DMD: variants seen among roughly 807,000 people sequenced by gnomAD.
DMD encodes the protein mutant dystrophin.
A neutral mutation model predicts 330.1 loss-of-function variants in DMD; 63 were observed. The ratio of observed to expected loss-of-function variants is 0.19; its 90% CI spans 0.16 to 0.24. DMD has a LOEUF of 0.24. Ranked by LOEUF, DMD falls within the 10% of genes least tolerant of loss-of-function variation. DMD has a pLI of 1.00. For synonymous variants in DMD, 1,223 were observed against 959.8 expected (o/e 1.27, Z -5.07); for missense variants, 3,344 against 2,684.1 (o/e 1.25, Z -5.43).
At chrX:32,529,007 C>G (rs1302949335) in intron 17 of DMD, among the ~76,000 whole-genome samples, 4 of 106,073 alleles carry the variant, frequency 3.8e-5, no homozygotes, top group Non-Finnish European at 5.8e-5. Context: ...CTGCAACCTC[C>G]GCCTCCCAGG....
At chrX:32,433,271 G>A (rs2098245889) in intron 29 of DMD, among the ~76,000 whole-genome samples, 2 of 112,173 alleles carry the variant, frequency 1.8e-5, no homozygotes, top group Admixed American at 1.9e-4. Flanking sequence ...AGGTAGTGTA[G>A]CCAAATGGTC....
intron 1 of DMD, among the ~76,000 whole-genome samples, chrX:33,199,235 G>A (rs951356298): frequency 4.5e-5 from 5 of 111,470 alleles, no homozygotes; most frequent in Non-Finnish European, 9.4e-5. Context: ...GGAAAGGAAA[G>A]GCTGCTGTAT....
chrX:32,855,340 G>A (rs1163143344), intron 2 of DMD, among the ~76,000 whole-genome samples: 1 of 111,700 alleles, frequency 9.0e-6, no homozygotes, highest in Non-Finnish European at 1.9e-5. Flanking sequence ...GAAACAAAGG[G>A]CATCCAGATT....
At chrX:32,962,494 C>G (rs2091939228) in intron 2 of DMD, among the ~76,000 whole-genome samples, 1 of 111,291 alleles carries the variant, frequency 9.0e-6, no homozygotes, top group African/African-American at 3.3e-5. Flanking sequence ...GTTTATTACT[C>G]AGGTTTGAGT....
intron 76 of DMD, among the ~76,000 whole-genome samples, chrX:31,141,106 C>T (rs1330824390): frequency 9.0e-6 from 1 of 110,881 alleles, no homozygotes; most frequent in African/African-American, 3.3e-5. Flanking sequence ...GCAGGAGAAT[C>T]GCTTGAACCC....
chrX:32,604,967 A>G (rs549871711), intron 12 of DMD, among the ~76,000 whole-genome samples: 6 of 111,256 alleles, frequency 5.4e-5, no homozygotes, highest in African/African-American at 1.6e-4. Flanking sequence ...TGTTAAAATA[A>G]CCACACTGCT....
chrX:33,007,168 C>T (rs1393690806), intron 2 of DMD, among the ~76,000 whole-genome samples: 1 of 110,791 alleles, frequency 9.0e-6, no homozygotes, highest in Non-Finnish European at 1.9e-5. Context: ...ATCTCCTAAT[C>T]TCCCACAATG....
chrX:32,998,603 A>G (rs1007677534), intron 2 of DMD, among the ~76,000 whole-genome samples: 1 of 102,582 alleles, frequency 9.7e-6, no homozygotes, highest in Non-Finnish European at 2.0e-5. Flanking sequence ...CTACCTATTT[A>G]TATATATATA....
chrX:31,204,280 T>C (rs776434386), intron 66 of DMD, among the ~76,000 whole-genome samples, 162 bp from the exon 67 acceptor site: 1 of 112,684 alleles, frequency 8.9e-6, no homozygotes, highest in Non-Finnish European at 1.9e-5. Context: ...ATTTATTATT[T>C]TTATGAATCA....
At chrX:31,304,603 TTATA>T (rs201982524) in intron 62 of DMD, among the ~76,000 whole-genome samples, 2 of 104,619 alleles carry the variant, frequency 1.9e-5, no homozygotes. Flanking sequence ...TGTGAGCATT[TTATA>T]TATATATATA....
At chrX:32,970,541 G>A (rs995223782) in intron 2 of DMD, among the ~76,000 whole-genome samples, 1 of 93,155 alleles carries the variant, frequency 1.1e-5, no homozygotes, top group Non-Finnish European at 2.0e-5. Flanking sequence ...GGCTGAGGCA[G>A]GAGAATCGCT....
At chrX:32,204,331 A>T (rs1475678376) in intron 44 of DMD, among the ~76,000 whole-genome samples, 2 of 112,501 alleles carry the variant, frequency 1.8e-5, no homozygotes, top group Admixed American at 1.9e-4. Context: ...GAGTATTTCA[A>T]AATCACATGA....
chrX:31,673,474 G>A (rs753893355), intron 53 of DMD, among the ~76,000 whole-genome samples: 15 of 110,770 alleles, frequency 1.4e-4, no homozygotes, highest in East Asian at 2.8e-4. Context: ...ATAGTTGGGC[G>A]TGGTGGAATG....
chrX:31,267,541 G>T (rs2051282286), intron 62 of DMD, among the ~76,000 whole-genome samples: 1 of 112,004 alleles, frequency 8.9e-6, no homozygotes, highest in Non-Finnish European at 1.9e-5. Context: ...AATTCCCTGG[G>T]CCCGGCCCAG....
chrX:31,888,816 A>G (rs952335314), intron 47 of DMD, among the ~76,000 whole-genome samples: 19 of 112,504 alleles, frequency 1.7e-4, no homozygotes, highest in African/African-American at 6.1e-4. Context: ...TCCATATACA[A>G]TGTAAAAGTG....
intron 41 of DMD, among the ~76,000 whole-genome samples, chrX:32,332,413 A>AGTGTGTGTGTGTGTGTGTGTGTGTGT (rs111973319): frequency 4.2e-5 from 4 of 95,350 alleles, no homozygotes; most frequent in African/African-American, 1.6e-4. Context: ...ATGGATAAAA[A>AGTGTGTGTGTGTGTGTGTGTGTGTGT]GTGTGTGTGT....
intron 9 of DMD, among the ~76,000 whole-genome samples, chrX:32,694,193 T>C (rs184596756): frequency 5.2e-4 from 58 of 111,427 alleles, no homozygotes; most frequent in African/African-American, 1.7e-3. Flanking sequence ...TGATGCCTCA[T>C]CATATATACA....
intron 45 of DMD, among the ~76,000 whole-genome samples, chrX:31,947,867 CCTTCTT>C (rs201115792): frequency 0.2 from 21,411 of 108,650 alleles, 1,654 homozygotes; most frequent in East Asian, 0.27. Context: ...TTCTCCTTCT[CCTTCTT>C]CTTCTTCTTC....
chrX:32,885,757 T>A (rs1352660421), intron 2 of DMD, among the ~76,000 whole-genome samples: 2 of 105,494 alleles, frequency 1.9e-5, no homozygotes, highest in African/African-American at 7.0e-5. Context: ...AAGCGAAATT[T>A]GAGGGTTTAG....
Sources: gnomAD v4.1 joint callset for allele counts (sites outside exome capture counted in the v4.1 genomes callset) on GRCh38, gnomAD v4.1.1 for gene constraint, MANE v1.5 for transcripts, NCBI Gene and HGNC (gene_info 2026-07-23, HGNC 2026-07-21) for gene names.